ZNF107: variants seen among roughly 807,000 people sequenced by gnomAD.
The protein encoded by ZNF107 is zinc finger protein 107.
In ZNF107, 19 loss-of-function variants were observed where a neutral mutation model predicts 12.3. That is an observed-to-expected ratio of 1.55 (90% confidence interval 1.08 to 2.27). The LOEUF (loss-of-function observed/expected upper bound fraction) is 2.27. Ranked by LOEUF, ZNF107 falls within the 30% of genes most tolerant of loss-of-function variation. The pLI, the probability that ZNF107 is intolerant of heterozygous loss-of-function variation, is 0.00. For synonymous variants in ZNF107, 317 were observed against 330.5 expected (o/e 0.96, Z 0.44); for missense variants, 958 against 979.9 (o/e 0.98, Z 0.30).
intron 1 of ZNF107, among the ~76,000 whole-genome samples, chr7:64,678,218 T>C (rs1225427268): frequency 1.3e-5 from 2 of 152,232 alleles, no homozygotes; most frequent in Non-Finnish European, 2.9e-5. Flanking sequence ...TCAAAACTCA[T>C]TTTAAGAGCA....
chr7:64,679,250 C>T (rs1311506456), intron 1 of ZNF107: 9 of 984,898 alleles, frequency 9.1e-6, no homozygotes, highest in African/African-American at 1.7e-5. Context: ...TCCCTTAACC[C>T]CTTCCCCCGA....
intron 1 of ZNF107, chr7:64,679,283 G>A (rs1480540158): frequency 1.0e-6 from 1 of 984,864 alleles, no homozygotes; most frequent in Non-Finnish European, 1.2e-6. Flanking sequence ...ACCCACCCGC[G>A]ACCTCGGTAC....
chr7:64,698,283 G>C (rs2128965467), intron 3 of ZNF107, among the ~76,000 whole-genome samples: 1 of 152,190 alleles, frequency 6.6e-6, no homozygotes, highest in Non-Finnish European at 1.5e-5. Context: ...TCAGTTTTAA[G>C]AGTTGTTTGT....
At chr7:64,684,236 T>A (rs1028466234) in intron 1 of ZNF107, among the ~76,000 whole-genome samples, 1 of 152,156 alleles carries the variant, frequency 6.6e-6, no homozygotes, top group Non-Finnish European at 1.5e-5. Flanking sequence ...TATATGGTAG[T>A]ACTTTTCTAC....
chr7:64,701,607 T>C (rs1355808536), intron 3 of ZNF107, among the ~76,000 whole-genome samples: 1 of 152,104 alleles, frequency 6.6e-6, no homozygotes, highest in Admixed American at 6.6e-5. Flanking sequence ...TTTCTTTTTT[T>C]TTTAATATAT....
rs906718512 is a variant in ZNF107, at chr7:64,709,085, A to G, written c.*429A>G. 1.1e-5 allele frequency: 5 copies of G among 460,846 alleles called. No individual in the cohort carries two copies. Among genetic ancestry groups the G allele is most frequent in the Non-Finnish European group, 2.2e-5 (5 of 229,190 alleles). The allele number at this position is 460,846 out of a possible 1,614,324, so 28.5% of individuals were successfully genotyped here. ...GTGGCAAAGCTTTTAACCAATCCTC[A>G]TACCTTACTATACAGAAATTCATAC... is the stretch of plus-strand genomic sequence containing the variant. On this transcript the variant is annotated 3_prime_UTR_variant, in exon 4 of 4. Coordinates refer to ENST00000620827, the MANE Select transcript of ZNF107 (RefSeq NM_001282359.2).
At chr7:64,692,704 A>AT (rs1347895915) in intron 3 of ZNF107, among the ~76,000 whole-genome samples, 1 of 151,572 alleles carries the variant, frequency 6.6e-6, no homozygotes, top group Non-Finnish European at 1.5e-5. Flanking sequence ...TTCATTGTAA[A>AT]TTTTTTTTAC....
intron 3 of ZNF107, among the ~76,000 whole-genome samples, chr7:64,693,915 A>C (rs919697800): frequency 2.4e-4 from 37 of 152,116 alleles, no homozygotes; most frequent in African/African-American, 8.2e-4. Flanking sequence ...CAGTCTCCCA[A>C]GTAGCTGGGA....
chr7:64,671,675 G>T (rs1000888240), intron 1 of ZNF107, among the ~76,000 whole-genome samples: 2 of 151,044 alleles, frequency 1.3e-5, no homozygotes, highest in South Asian at 2.1e-4. Flanking sequence ...CATGCAGTTT[G>T]TTATATAGGT....
intron 1 of ZNF107, chr7:64,686,493 GCT>G: frequency 1.0e-6 from 1 of 985,020 alleles, no homozygotes; most frequent in Non-Finnish European, 1.2e-6. Context: ...CCCAAGTCCC[GCT>G]CGAAGAATCC....
intron 1 of ZNF107, among the ~76,000 whole-genome samples, chr7:64,672,565 AT>A (rs1487900391): frequency 6.6e-6 from 1 of 152,106 alleles, no homozygotes; most frequent in Middle Eastern, 3.2e-3. Flanking sequence ...GTTCTTCCAC[AT>A]TGCTCAGTCT....
intron 1 of ZNF107, among the ~76,000 whole-genome samples, chr7:64,667,576 A>G (rs1464573467): frequency 3.9e-5 from 6 of 152,170 alleles, no homozygotes; most frequent in African/African-American, 1.4e-4. Context: ...GGGTTTCAGT[A>G]CTGTCTGGGG....
At chr7:64,688,151 G>C (rs751079686) in intron 1 of ZNF107, among the ~76,000 whole-genome samples, 1 of 151,860 alleles carries the variant, frequency 6.6e-6, no homozygotes. Context: ...AATGACTCTT[G>C]TATCTTTAGA....
Position 64,710,536 on chromosome 7 carries a change from TTAAAAC to T in ZNF107, c.*1885_*1890del, listed in dbSNP as rs1261278918. Reference sequence around the variant, plus strand: ...CAGAATGCTGAGTATAGAAAATAATTTAAAACTAAAGTTGGTAGGTAAATAATGTGT... The same window carrying T: ...CAGAATGCTGAGTATAGAAAATAATTTAAAGTTGGTAGGTAAATAATGTGT... On this transcript the variant is annotated 3_prime_UTR_variant, in exon 4 of 4. Transcript: ENST00000620827. 7 of 151,780 alleles carry T rather than the reference TTAAAAC, an allele frequency of 4.6e-5. No individual in the cohort carries two copies. The highest frequency in any genetic ancestry group is 8.9e-5 in the Non-Finnish European group (6 of 67,772). The allele number at this position is 151,780 out of a possible 1,614,324, so 9.4% of individuals were successfully genotyped here.
intron 1 of ZNF107, among the ~76,000 whole-genome samples, chr7:64,673,439 T>C (rs1302782805): frequency 6.6e-6 from 1 of 152,236 alleles, no homozygotes; most frequent in Non-Finnish European, 1.5e-5. Flanking sequence ...GTTGTTTGTG[T>C]TTTTCTTACA....
intron 1 of ZNF107, among the ~76,000 whole-genome samples, chr7:64,672,216 GT>G (rs1200631412): frequency 6.6e-5 from 10 of 152,046 alleles, no homozygotes; most frequent in African/African-American, 2.4e-4. Context: ...TTCTGCATTA[GT>G]TTTCTATGGC....
At chr7:64,701,363 C>T (rs891021892) in intron 3 of ZNF107, among the ~76,000 whole-genome samples, 10 of 151,702 alleles carry the variant, frequency 6.6e-5, no homozygotes, top group East Asian at 5.9e-4. Flanking sequence ...CCCAGGTTCA[C>T]GTGATCTCCT....
In ZNF107 at chr7:64,707,371, A is replaced by G. The variant is rs1303418742; in HGVS notation, c.1274A>G (p.Tyr425Cys). 9 of 1,613,360 alleles carry G rather than the reference A, an allele frequency of 5.6e-6. No individual in the cohort carries two copies. The highest frequency in any genetic ancestry group is 6.8e-6 in the Non-Finnish European group (8 of 1,179,756). Residue 425 changes from tyrosine (Y) to cysteine (C), a missense_variant, in exon 4 of 4, where the codon TAC becomes TGC. Physicochemically the swap from Tyr to Cys is radical, Grantham distance 194. Coordinates refer to ENST00000620827, the MANE Select transcript of ZNF107 (RefSeq NM_001282359.2). ...ATAATTCATACTGGAGAGAAACCCT[A>G]CAAATGTAAAGAATGTGGCAAAGCT... The part of the protein sequence containing the change: ...HKIIHTGEKP[Y>C]KCKECGKAFN...
intron 1 of ZNF107, among the ~76,000 whole-genome samples, chr7:64,674,102 C>G (rs1172445460): frequency 1.3e-5 from 2 of 150,204 alleles, no homozygotes; most frequent in Non-Finnish European, 3.0e-5. Context: ...CTTTGTTGTT[C>G]CATATGAATT....
Sources: gnomAD v4.1 joint callset for allele counts (sites outside exome capture counted in the v4.1 genomes callset) on GRCh38, gnomAD v4.1.1 for gene constraint, MANE v1.5 for transcripts, NCBI Gene and HGNC (gene_info 2026-07-23, HGNC 2026-07-21) for gene names.